MFF: variants seen among roughly 807,000 people sequenced by gnomAD.
The protein encoded by MFF is mitochondrial fission factor.
MFF carries 12 observed loss-of-function variants against 36.9 expected under a neutral mutation model. The observed-to-expected ratio is 0.33, with a 90% confidence interval of 0.21 to 0.53. The LOEUF is 0.53. Ranked by LOEUF, MFF falls within the 20% of genes least tolerant of loss-of-function variation. The pLI is 0.95. For synonymous variants in MFF, 99 were observed against 126.2 expected (o/e 0.78, Z 1.44); for missense variants, 348 against 366.6 (o/e 0.95, Z 0.42).
intron 5 of MFF, among the ~76,000 whole-genome samples, chr2:227,343,787 T>G (rs1199899747): frequency 6.6e-6 from 1 of 152,090 alleles, no homozygotes; most frequent in African/African-American, 2.4e-5. Flanking sequence ...TTTTTTTGGT[T>G]GTTTTGTTTT....
Position 227,340,370 on chromosome 2 carries a change from A to C in MFF, c.430A>C (p.Asn144His). Residue 144 changes from asparagine to histidine, a missense_variant, in exon 5 of 9, where the codon AAT becomes CAT. Asn to His is a moderately conservative substitution (Grantham distance 68). Transcript: ENST00000304593. Reference protein sequence around the residue: ...AVRQNGQLVRNDSLVTPSPQQ... With the variant: ...AVRQNGQLVRHDSLVTPSPQQ... ...TCGCCAAAATGGACAGCTGGTCAGAAATGATTCTCTGTGAGTAGAAGCACT... is the reference window on the plus strand; with the variant it reads ...TCGCCAAAATGGACAGCTGGTCAGACATGATTCTCTGTGAGTAGAAGCACT... 3 of 1,613,502 alleles carry C rather than the reference A, an allele frequency of 1.9e-6. No individual in the cohort carries two copies. Among genetic ancestry groups the C allele is most frequent in the Non-Finnish European group, 2.5e-6 (3 of 1,179,474 alleles).
At chr2:227,327,196 G>C (rs1444320210) in intron 1 of MFF, among the ~76,000 whole-genome samples, 1 of 151,996 alleles carries the variant, frequency 6.6e-6, no homozygotes, top group East Asian at 1.9e-4. Context: ...AACCCATGAA[G>C]TTGGCAAGTT....
chr2:227,327,276 G>C (rs2074229464), intron 1 of MFF, among the ~76,000 whole-genome samples: 1 of 152,266 alleles, frequency 6.6e-6, no homozygotes, highest in Admixed American at 6.5e-5. Flanking sequence ...TTCTAAGAGA[G>C]ATTTTGCCTC....
At position 227,345,637 on chromosome 2, in the gene MFF, G is replaced by A. The variant is rs371077169; in HGVS notation, c.441-1589G>A. On this transcript the variant is annotated intron_variant, in intron 5 of 8. Transcript: ENST00000304593. Reference sequence around the variant, plus strand: ...GTGCTGCCTAAAGAGAATTCTGAGTGTAAGACTAACATATAGTTTTGTTTC... The same window carrying A: ...GTGCTGCCTAAAGAGAATTCTGAGTATAAGACTAACATATAGTTTTGTTTC... 1.2e-4 allele frequency among the ~76,000 whole-genome samples: 18 copies of A among 152,250 alleles called. No individual in the cohort carries two copies. In the East Asian group the frequency reaches 3.1e-3, roughly 26 times the overall value.
chr2:227,341,341 T>G (rs1413669487), intron 5 of MFF, among the ~76,000 whole-genome samples: 1 of 151,828 alleles, frequency 6.6e-6, no homozygotes, highest in African/African-American at 2.4e-5. Context: ...TTCTAATTTC[T>G]ATATAAATTA....
rs199807950 is a variant in MFF, at chr2:227,352,524, C to T, written c.610C>T (p.Arg204Cys). 51 of 1,613,470 alleles carry T rather than the reference C, an allele frequency of 3.2e-5. No individual in the cohort carries two copies. The highest frequency in any genetic ancestry group is 1.6e-4 in the Middle Eastern group (1 of 6,080). ...AAAAACCTGCCTTAGACCTGTGTTG[C>T]GTGGTGGGTCTGCTGCCGCCACTTC... ...VLDENRRPVL[R>C]GGSAAATSNP... The change falls in exon 7 of 9, where the codon CGT becomes TGT. Residue 204 changes from arginine to cysteine, a missense_variant. Physicochemically the swap from Arg to Cys is radical, Grantham distance 180 (BLOSUM62 -3). Coordinates refer to ENST00000304593, the MANE Select transcript of MFF (RefSeq NM_001277062.2).
intron 8 of MFF, among the ~76,000 whole-genome samples, chr2:227,356,689 C>T (rs1049551961): frequency 6.6e-6 from 1 of 152,086 alleles, no homozygotes; most frequent in Non-Finnish European, 1.5e-5. Context: ...GCCAGAATAA[C>T]AGTAGGTAAC....
Position 227,357,015 on chromosome 2 carries a change from T to C in MFF, c.774T>C (p.Leu258=), listed in dbSNP as rs939803193. 3 of 1,613,272 alleles carry C rather than the reference T, an allele frequency of 1.9e-6. No individual in the cohort carries two copies. In the Admixed American group the frequency reaches 5.0e-5, roughly 27 times the overall value. Residue 258 remains leucine, a synonymous_variant, in exon 9 of 9, where the codon CTT becomes CTC. Coordinates refer to ENST00000304593, the MANE Select transcript of MFF (RefSeq NM_001277062.2). The stretch of plus-strand genomic sequence containing the variant: ...TCAAACTAAATAGACGTCTACAACT[T>C]CTGGAAGAGGAGAACAAAGAACGTG... ...QIIKLNRRLQ[L]LEEENKERAK...
chr2:227,336,603 A>G (rs946767125), intron 4 of MFF, among the ~76,000 whole-genome samples: 2 of 152,238 alleles, frequency 1.3e-5, no homozygotes, highest in Non-Finnish European at 2.9e-5. Flanking sequence ...AAGCCATCAA[A>G]TGGCATCCTC....
At chr2:227,351,910 C>T (rs2076014483) in intron 6 of MFF, 1 of 152,292 alleles carries the variant, frequency 6.6e-6, no homozygotes. Flanking sequence ...GTCTCCTGAT[C>T]TCAGCTTCAG....
intron 3 of MFF, among the ~76,000 whole-genome samples, chr2:227,331,716 G>A (rs907807424): frequency 1.4e-4 from 22 of 152,198 alleles, no homozygotes; most frequent in East Asian, 5.8e-4. Context: ...GCCATCTTGC[G>A]ATGTTAATTC....
At chr2:227,335,260 C>T (rs2074909790) in intron 4 of MFF, among the ~76,000 whole-genome samples, 1 of 151,652 alleles carries the variant, frequency 6.6e-6, no homozygotes, top group African/African-American at 2.4e-5. Flanking sequence ...CAACAAAGGC[C>T]ATATATTGCA....
At chr2:227,332,864 TAAA>T (rs1344819681) in intron 4 of MFF, among the ~76,000 whole-genome samples, 1 of 152,236 alleles carries the variant, frequency 6.6e-6, no homozygotes, top group Non-Finnish European at 1.5e-5. Context: ...TGTTACTTGT[TAAA>T]TAATAAGAAA....
At chr2:227,328,400 AC>A (rs1160408312) in intron 1 of MFF, among the ~76,000 whole-genome samples, 1 of 151,780 alleles carries the variant, frequency 6.6e-6, no homozygotes, top group Non-Finnish European at 1.5e-5. Context: ...ATTTAAACTT[AC>A]GTATTTTTCA....
At chr2:227,345,809 C>G (rs773016528) in intron 5 of MFF, among the ~76,000 whole-genome samples, 3 of 152,062 alleles carry the variant, frequency 2.0e-5, no homozygotes, top group Admixed American at 2.0e-4. Context: ...AGTCTCTGGA[C>G]GGACATTTAA....
intron 2 of MFF, chr2:227,329,998 A>G (rs2106342667): frequency 2.7e-6 from 1 of 371,552 alleles, no homozygotes; most frequent in Non-Finnish European, 4.9e-6. Context: ...TCCAAAAATG[A>G]ATACAAACAT....
intron 4 of MFF, 126 bp from the exon 5 acceptor site, chr2:227,340,166 G>T (rs1441616915): frequency 7.7e-6 from 5 of 650,746 alleles, no homozygotes; most frequent in Non-Finnish European, 1.3e-5. Flanking sequence ...AGCAATTCTT[G>T]GTTGCCTTTT....
intron 3 of MFF, among the ~76,000 whole-genome samples, chr2:227,331,121 C>T (rs1385741568): frequency 6.6e-6 from 1 of 152,154 alleles, no homozygotes; most frequent in African/African-American, 2.4e-5. Context: ...TAACCACCAC[C>T]ACAGTCCAAA....
At chr2:227,332,358 C>CT in intron 3 of MFF, 61 bp from the exon 4 acceptor site, 5 of 1,295,518 alleles carry the variant, frequency 3.9e-6, no homozygotes, top group South Asian at 1.4e-5. Context: ...ACAAAAATCA[C>CT]TGTCTTTTTA....
Sources: allele counts gnomAD v4.1 joint callset (sites outside exome capture counted in the v4.1 genomes callset), GRCh38; gene constraint gnomAD v4.1.1; transcripts MANE v1.5; gene names NCBI Gene and HGNC (gene_info 2026-07-23, HGNC 2026-07-21).